Variants in DOCK2 observed in about 807,000 individuals in gnomAD.
The protein encoded by DOCK2 is dedicator of cytokinesis 2.
DOCK2 carries 87 observed loss-of-function variants against 248.9 expected under a neutral mutation model. The ratio of observed to expected loss-of-function variants is 0.35; its 90% CI spans 0.29 to 0.42. DOCK2 has a LOEUF of 0.42. Ranked by LOEUF, DOCK2 falls within the 10% of genes least tolerant of loss-of-function variation. DOCK2 has a pLI of 1.00. For synonymous variants in DOCK2, 805 were observed against 821.6 expected (o/e 0.98, Z 0.35); for missense variants, 1,747 against 2,300.2 (o/e 0.76, Z 4.92).
At chr5:170,075,813 A>T (rs1757820166) in intron 46 of DOCK2, 134 bp from the exon 47 acceptor site, 1 of 1,149,488 alleles carries the variant, frequency 8.7e-7, no homozygotes, top group Admixed American at 2.1e-5. Context: ...CCGTGTGTGC[A>T]GGTTTCTGAG....
chr5:169,887,323 T>A (rs1460664045), intron 27 of DOCK2, among the ~76,000 whole-genome samples: 1 of 152,218 alleles, frequency 6.6e-6, no homozygotes, highest in Non-Finnish European at 1.5e-5. Flanking sequence ...AAAGATATTA[T>A]TTGTTCATTG....
At chr5:169,717,096 A>G (rs1179061077) in intron 20 of DOCK2, among the ~76,000 whole-genome samples, 2 of 152,158 alleles carry the variant, frequency 1.3e-5, no homozygotes, top group Non-Finnish European at 2.9e-5. Context: ...GTACATAAGT[A>G]TATTAAAGAT....
intron 27 of DOCK2, among the ~76,000 whole-genome samples, chr5:169,868,119 C>T (rs535561593): frequency 1.3e-5 from 2 of 152,282 alleles, no homozygotes; most frequent in African/African-American, 4.8e-5. Flanking sequence ...TTTTCTTGTA[C>T]AAAACATTCC....
chr5:169,926,477 C>T (rs1775463836), intron 27 of DOCK2, among the ~76,000 whole-genome samples: 1 of 152,168 alleles, frequency 6.6e-6, no homozygotes, highest in South Asian at 2.1e-4. Flanking sequence ...CTTCTGTGAG[C>T]TCAGGTGGCC....
intron 27 of DOCK2, chr5:169,875,168 G>T (rs903711486): frequency 2.2e-6 from 1 of 454,880 alleles, no homozygotes; most frequent in Non-Finnish European, 4.4e-6. Flanking sequence ...CTTCTTTCAA[G>T]ACCCTGATTT....
chr5:169,864,770 A>C (rs1771433359), intron 27 of DOCK2, among the ~76,000 whole-genome samples: 1 of 152,186 alleles, frequency 6.6e-6, no homozygotes, highest in South Asian at 2.1e-4. Context: ...GGGTTTTGGC[A>C]TGTGTTATGC....
chr5:169,810,721 T>G (rs1767684422), intron 26 of DOCK2, among the ~76,000 whole-genome samples: 1 of 152,178 alleles, frequency 6.6e-6, no homozygotes, highest in African/African-American at 2.4e-5. Context: ...TTTTCCTGCT[T>G]CCTTAAAGTT....
In DOCK2 at chr5:169,712,165, T is replaced by C; in HGVS notation, c.1601T>C (p.Leu534Pro). Residue 534 changes from leucine (L) to proline (P), a missense_variant, in exon 17 of 52, where the codon CTG becomes CCG. Transcript: ENST00000520908. Reference sequence around the variant, plus strand: ...AACTTTGCCATGTCCTATGTGAAGCTGATGAAAGAAGATGGGACTACTCTA... The same window carrying C: ...AACTTTGCCATGTCCTATGTGAAGCCGATGAAAGAAGATGGGACTACTCTA... ...EKNFAMSYVK[L>P]MKEDGTTLHD... 1.2e-6 allele frequency: 2 copies of C among 1,614,106 alleles called. No individual in the cohort carries two copies. Among genetic ancestry groups the C allele is most frequent in the Non-Finnish European group, 1.7e-6 (2 of 1,179,958 alleles).
chr5:169,997,413 A>G (rs1432027436), intron 30 of DOCK2, among the ~76,000 whole-genome samples: 1 of 147,880 alleles, frequency 6.8e-6, no homozygotes, highest in Non-Finnish European at 1.5e-5. Context: ...CCTCCTCAGC[A>G]CAGACCCTTT....
intron 26 of DOCK2, among the ~76,000 whole-genome samples, chr5:169,836,604 GC>G (rs1769595172): frequency 1.3e-5 from 2 of 152,094 alleles, no homozygotes; most frequent in African/African-American, 2.4e-5. Flanking sequence ...AAGTTTTGGA[GC>G]TTTTTCTTGC....
chr5:170,072,550 A>G (rs1393798532), intron 46 of DOCK2, among the ~76,000 whole-genome samples: 1 of 152,224 alleles, frequency 6.6e-6, no homozygotes, highest in Non-Finnish European at 1.5e-5. Flanking sequence ...GTATACATGC[A>G]GTAGTGGAAT....
intron 1 of DOCK2, among the ~76,000 whole-genome samples, chr5:169,649,467 A>G (rs1331289396): frequency 6.6e-6 from 1 of 152,224 alleles, no homozygotes; most frequent in East Asian, 1.9e-4. Flanking sequence ...AGCATTTCTT[A>G]AAAGTTCAAT....
intron 27 of DOCK2, among the ~76,000 whole-genome samples, chr5:169,976,238 G>T (rs1777713383): frequency 6.6e-6 from 1 of 152,222 alleles, no homozygotes; most frequent in Admixed American, 6.5e-5. Flanking sequence ...TGCTGATGTG[G>T]AAGACGTGGC....
intron 26 of DOCK2, among the ~76,000 whole-genome samples, chr5:169,809,455 A>G (rs905508510): frequency 2.0e-5 from 3 of 152,114 alleles, no homozygotes; most frequent in Admixed American, 2.0e-4. Context: ...TTCCTTTCTG[A>G]GATTTTCTCA....
At chr5:169,677,341 TC>T in intron 6 of DOCK2, among the ~76,000 whole-genome samples, 1 of 150,808 alleles carries the variant, frequency 6.6e-6, no homozygotes, top group East Asian at 1.9e-4. Flanking sequence ...TGCTAAACAT[TC>T]TTTTTTTTGA....
chr5:169,821,184 G>T (rs1768412362), intron 26 of DOCK2, among the ~76,000 whole-genome samples: 1 of 152,186 alleles, frequency 6.6e-6, no homozygotes. Flanking sequence ...AACCAAGTTG[G>T]AAAACACTCT....
intron 28 of DOCK2, among the ~76,000 whole-genome samples, chr5:169,983,938 A>C (rs1778001276): frequency 6.6e-6 from 1 of 152,232 alleles, no homozygotes; most frequent in Non-Finnish European, 1.5e-5. Context: ...ATTGGCAAGA[A>C]ATGGAACTTT....
chr5:169,895,943 C>T (rs978497762), intron 27 of DOCK2, among the ~76,000 whole-genome samples: 3 of 152,170 alleles, frequency 2.0e-5, no homozygotes, highest in South Asian at 2.1e-4. Context: ...GAGATGTCCC[C>T]GATTACCACT....
chr5:170,042,115 T>C lies in DOCK2; in HGVS notation c.3859T>C (p.Tyr1287His), dbSNP rs754930303. Residue 1287 changes from tyrosine to histidine, a missense_variant, in exon 38 of 52, where the codon TAC becomes CAC. Tyr to His is a moderately conservative substitution (Grantham distance 83). This residue lies in a region of DOCK2 where 858 missense variants were observed against 1,183.5 expected (regional missense o/e 0.72). Transcript: ENST00000520908. ...KETLYETIIG[Y>H]FDKGKMWEEA... ...GACGCTCTACGAGACCATCATAGGC[T>C]ACTTTGACAAAGGAAAGGTAATCTG... The C allele has an allele frequency of 7.4e-6, 12 of 1,612,324 alleles. No homozygotes were observed. Among genetic ancestry groups the C allele is most frequent in the Non-Finnish European group, 9.3e-6 (11 of 1,179,104 alleles).
Sources: allele counts gnomAD v4.1 joint callset (sites outside exome capture counted in the v4.1 genomes callset), GRCh38; gene constraint gnomAD v4.1.1; regional missense constraint gnomAD v4.1.1; transcripts MANE v1.5; gene names NCBI Gene and HGNC (gene_info 2026-07-23, HGNC 2026-07-21).